The following PKNOX2 variants were observed in gnomAD, a reference collection of about 807,000 sequenced individuals.
The protein encoded by PKNOX2 is homeobox protein PKNOX2.
In PKNOX2, 14 loss-of-function variants were observed where a neutral mutation model predicts 53.1. The observed-to-expected ratio is 0.26, with a 90% CI of 0.17 to 0.41. PKNOX2 has a LOEUF of 0.41. Among genes scored for constraint, PKNOX2 ranks in the 10% least tolerant of loss-of-function variants. PKNOX2 has a pLI of 1.00. For missense variants in PKNOX2, 496 were observed against 602.8 expected, an observed-to-expected ratio of 0.82 and a Z score of 1.85; for synonymous variants, 257 against 242.8, an observed-to-expected ratio of 1.06 and a Z score of -0.54.
chr11:125,186,474 A>G (rs1956453745), intron 1 of PKNOX2, among the ~76,000 whole-genome samples: 1 of 152,136 alleles, frequency 6.6e-6, no homozygotes, highest in Non-Finnish European at 1.5e-5. Flanking sequence ...CAACATGGTG[A>G]GACTCTGTCT....
At chr11:125,302,296 C>T in intron 2 of PKNOX2, among the ~76,000 whole-genome samples, 1 of 152,184 alleles carries the variant, frequency 6.6e-6, no homozygotes, top group South Asian at 2.1e-4. Context: ...GTGGAGAGGA[C>T]AGGAGCTTCC....
At chr11:125,326,935 A>G (rs1949848922) in intron 2 of PKNOX2, among the ~76,000 whole-genome samples, 1 of 152,224 alleles carries the variant, frequency 6.6e-6, no homozygotes, top group Non-Finnish European at 1.5e-5. Context: ...AACATCAGCT[A>G]TTAGGGACTG....
chr11:125,334,357 G>C (rs12360927), intron 3 of PKNOX2, among the ~76,000 whole-genome samples: 1 of 152,102 alleles, frequency 6.6e-6, no homozygotes, highest in South Asian at 2.1e-4. Flanking sequence ...TCATGGATTG[G>C]GTAAAGGAGC....
At chr11:125,392,797 AGGAAAGAAGGAACGGGGAAG>A (rs1479671922) in intron 6 of PKNOX2, among the ~76,000 whole-genome samples, 3 of 152,168 alleles carry the variant, frequency 2.0e-5, no homozygotes, top group African/African-American at 7.2e-5. Flanking sequence ...GAAAGGAGGG[AGGAAAGAAGGAACGGGGAAG>A]GGAAAGAGAA....
At chr11:125,213,244 G>A (rs575711824) in intron 1 of PKNOX2, among the ~76,000 whole-genome samples, 2 of 152,070 alleles carry the variant, frequency 1.3e-5, no homozygotes, top group South Asian at 4.1e-4. Flanking sequence ...CCTTTGTAGA[G>A]AGTGTGGAGC....
intron 5 of PKNOX2, among the ~76,000 whole-genome samples, chr11:125,378,583 C>G (rs1442376044): frequency 6.6e-6 from 1 of 152,122 alleles, no homozygotes; most frequent in African/African-American, 2.4e-5. Context: ...CGGAAGGAGC[C>G]GGGGGGCTCC....
At chr11:125,364,536 A>G (rs992381889) in intron 4 of PKNOX2, among the ~76,000 whole-genome samples, 1 of 152,186 alleles carries the variant, frequency 6.6e-6, no homozygotes, top group African/African-American at 2.4e-5. Flanking sequence ...CTCAGCTAAC[A>G]GAAGCCGCTT....
chr11:125,295,361 G>C (rs911827447), intron 2 of PKNOX2, among the ~76,000 whole-genome samples: 2 of 152,198 alleles, frequency 1.3e-5, no homozygotes, highest in South Asian at 4.1e-4. Flanking sequence ...CAGCTCTAGG[G>C]ATATATAGAT....
intron 1 of PKNOX2, among the ~76,000 whole-genome samples, chr11:125,230,243 G>A (rs1008264033): frequency 6.6e-6 from 1 of 152,212 alleles, no homozygotes; most frequent in Non-Finnish European, 1.5e-5. Context: ...GAGTCTCAGA[G>A]GCAACAAGTT....
At chr11:125,363,692 C>T (rs892418325) in intron 4 of PKNOX2, among the ~76,000 whole-genome samples, 3 of 152,132 alleles carry the variant, frequency 2.0e-5, no homozygotes, top group Admixed American at 6.5e-5. Context: ...TCTGGAGTGG[C>T]CAGTTCTGAG....
At chr11:125,213,532 A>G (rs996090185) in intron 1 of PKNOX2, among the ~76,000 whole-genome samples, 2 of 152,138 alleles carry the variant, frequency 1.3e-5, no homozygotes, top group African/African-American at 4.8e-5. Flanking sequence ...ATCAGGGCTC[A>G]CTGAAGTCTC....
chr11:125,365,023 T>A (rs1952114104), intron 4 of PKNOX2, among the ~76,000 whole-genome samples: 1 of 152,082 alleles, frequency 6.6e-6, no homozygotes, highest in Admixed American at 6.5e-5. Flanking sequence ...AAAGGTATTA[T>A]TTAGGTTGTC....
chr11:125,186,180 T>C (rs948293015), intron 1 of PKNOX2, among the ~76,000 whole-genome samples: 1 of 152,238 alleles, frequency 6.6e-6, no homozygotes, highest in Admixed American at 6.5e-5. Context: ...ATTGGACATT[T>C]GTATATCTTT....
intron 1 of PKNOX2, among the ~76,000 whole-genome samples, chr11:125,177,673 C>A (rs1955801656): frequency 6.6e-6 from 1 of 152,188 alleles, no homozygotes; most frequent in Non-Finnish European, 1.5e-5. Flanking sequence ...CCGTCTCTCT[C>A]CCCACAGTGC....
intron 3 of PKNOX2, among the ~76,000 whole-genome samples, chr11:125,333,522 C>T (rs1950253180): frequency 6.7e-6 from 1 of 149,800 alleles, no homozygotes; most frequent in African/African-American, 2.5e-5. Flanking sequence ...GACCTTTGCC[C>T]TCTCAGTCCC....
In PKNOX2 at chr11:125,225,812, G is replaced by A. The variant is rs141014112; in HGVS notation, c.-200-9233G>A. Among the ~76,000 whole-genome samples, 154 of 152,330 alleles carry A rather than the reference G, an allele frequency of 1.0e-3. 2 individuals are homozygous for A. Among genetic ancestry groups the A allele is most frequent in the African/African-American group, 3.6e-3 (150 of 41,582 alleles). On this transcript the variant is annotated intron_variant, in intron 1 of 12. Transcript: ENST00000298282. ...TTGGATGCAAAATGAGGTCTTGTTA[G>A]CACAAAGAGATGCATGTGTTCTGCC... is the stretch of plus-strand genomic sequence containing the variant.
At chr11:125,368,127 C>G in intron 5 of PKNOX2, 142 bp downstream of exon 5, 1 of 1,057,912 alleles carries the variant, frequency 9.5e-7, no homozygotes, top group Non-Finnish European at 1.3e-6. Flanking sequence ...CCTTCCCTCT[C>G]TACTCAATCC....
intron 5 of PKNOX2, among the ~76,000 whole-genome samples, chr11:125,368,381 G>A (rs1053792630): frequency 6.6e-6 from 1 of 152,158 alleles, no homozygotes; most frequent in African/African-American, 2.4e-5. Context: ...TCTAGAACTT[G>A]GCAGTCCACA....
intron 2 of PKNOX2, among the ~76,000 whole-genome samples, chr11:125,293,751 T>A (rs1057372824): frequency 6.6e-6 from 1 of 151,254 alleles, no homozygotes; most frequent in Non-Finnish European, 1.5e-5. Context: ...TCACACACAC[T>A]CACACACACC....
Sources: gnomAD v4.1 joint callset for allele counts (sites outside exome capture counted in the v4.1 genomes callset) on GRCh38, gnomAD v4.1.1 for gene constraint, MANE v1.5 for transcripts, NCBI Gene and HGNC (gene_info 2026-07-23, HGNC 2026-07-21) for gene names.